CNTN4: variants seen among roughly 807,000 people sequenced by gnomAD.
CNTN4 encodes contactin-4.
In CNTN4, 77 loss-of-function variants were observed where a neutral mutation model predicts 122.5. That is an observed-to-expected ratio of 0.63 (90% CI 0.52 to 0.76). The LOEUF (loss-of-function observed/expected upper bound fraction) is 0.76, where lower values mean the gene tolerates loss of function less well. CNTN4 is among the 30% of genes least tolerant of loss of function. The probability of loss-of-function intolerance (pLI) is 0.00; values close to 1 mark genes in which losing one functional copy is unlikely to be tolerated. For synonymous variants in CNTN4, 512 were observed against 447.0 expected (o/e 1.15, Z -1.83); for missense variants, 1,256 against 1,259.1 (o/e 1.00, Z 0.04).
chr3:2,989,299 A>C (rs1225636646), intron 14 of CNTN4, among the ~76,000 whole-genome samples: 1 of 152,162 alleles, frequency 6.6e-6, no homozygotes, highest in African/African-American at 2.4e-5. Flanking sequence ...GAGTAGCAGG[A>C]GACCTGAACC....
chr3:2,157,047 C>G (rs2035752740), intron 2 of CNTN4, among the ~76,000 whole-genome samples: 1 of 152,060 alleles, frequency 6.6e-6, no homozygotes, highest in African/African-American at 2.4e-5. Context: ...GTTGGTTTAC[C>G]AAATAGATTT....
intron 7 of CNTN4, among the ~76,000 whole-genome samples, chr3:2,860,496 G>T (rs568891641): frequency 1.3e-5 from 2 of 152,164 alleles, no homozygotes; most frequent in South Asian, 4.1e-4. Context: ...TCCTAATAGG[G>T]GTCCTGACAG....
intron 13 of CNTN4, among the ~76,000 whole-genome samples, chr3:2,953,955 A>G (rs898069668): frequency 3.3e-5 from 5 of 152,222 alleles, no homozygotes; most frequent in Non-Finnish European, 7.3e-5. Flanking sequence ...TTATCTAGGA[A>G]ATAAGTTTTC....
intron 2 of CNTN4, among the ~76,000 whole-genome samples, chr3:2,338,043 C>A (rs750497979): frequency 3.3e-5 from 5 of 151,976 alleles, no homozygotes; most frequent in Non-Finnish European, 7.4e-5. Flanking sequence ...ATTTGTGATT[C>A]AGAATTAATG....
At chr3:2,219,559 C>G (rs925998433) in intron 2 of CNTN4, among the ~76,000 whole-genome samples, 7 of 152,114 alleles carry the variant, frequency 4.6e-5, no homozygotes, top group Non-Finnish European at 1.0e-4. Context: ...ACAACCTCTC[C>G]TAGAGTTTTG....
intron 2 of CNTN4, among the ~76,000 whole-genome samples, chr3:2,106,131 C>T (rs560244592): frequency 3.9e-5 from 6 of 152,244 alleles, no homozygotes; most frequent in African/African-American, 1.4e-4. Flanking sequence ...GCCCCTCTGG[C>T]TTTGCAGGCT....
rs781357835 is a variant in CNTN4, at chr3:2,902,920, G to C, written c.1122G>C (p.Val374=). ...AAGGAACACTCAACATAACAATAGT[G>C]AACCTCTCAGATGCTGGCATGTATC... is the stretch of plus-strand genomic sequence containing the variant. ...IEQGTLNITI[V]NLSDAGMYQC... Residue 374 remains valine, a synonymous_variant, in exon 12 of 25, where the codon GTG becomes GTC. Coordinates refer to ENST00000418658, the MANE Select transcript of CNTN4 (RefSeq NM_175607.3). 4 of 1,613,612 alleles carry C rather than the reference G, an allele frequency of 2.5e-6. No individual in the cohort carries two copies. The highest frequency in any genetic ancestry group is 3.4e-6 in the Non-Finnish European group (4 of 1,179,800).
At chr3:2,631,865 C>CAAAAAAAAAAAA (rs1157671569) in intron 4 of CNTN4, among the ~76,000 whole-genome samples, 40 of 70,126 alleles carry the variant, frequency 5.7e-4, no homozygotes, top group South Asian at 5.0e-3. Flanking sequence ...CGTATCTCTA[C>CAAAAAAAAAAAA]AAAAAAAAAA....
chr3:2,885,052 A>C (rs1397865129), intron 9 of CNTN4, among the ~76,000 whole-genome samples: 1 of 152,238 alleles, frequency 6.6e-6, no homozygotes, highest in Non-Finnish European at 1.5e-5. Flanking sequence ...GTGTCTGTCT[A>C]ACGAACTTAA....
At chr3:2,984,468 C>T (rs1694365206) in intron 13 of CNTN4, among the ~76,000 whole-genome samples, 1 of 152,146 alleles carries the variant, frequency 6.6e-6, no homozygotes. Context: ...AGGGATGGTG[C>T]CCATTATCCC....
intron 4 of CNTN4, among the ~76,000 whole-genome samples, chr3:2,694,556 C>A (rs769111432): frequency 6.6e-6 from 1 of 152,202 alleles, no homozygotes; most frequent in Admixed American, 6.5e-5. Flanking sequence ...ATAACAAAGC[C>A]CCGTCTCTAC....
chr3:2,876,061 T>C (rs368740976), intron 8 of CNTN4, among the ~76,000 whole-genome samples: 1 of 152,194 alleles, frequency 6.6e-6, no homozygotes, highest in East Asian at 1.9e-4. Context: ...GCAGGTTTGA[T>C]TAAAGTCAAA....
At chr3:2,813,516 A>T (rs944548305) in intron 6 of CNTN4, among the ~76,000 whole-genome samples, 11 of 152,038 alleles carry the variant, frequency 7.2e-5, no homozygotes, top group Non-Finnish European at 1.6e-4. Flanking sequence ...GATTCTTAAC[A>T]AACTATGATG....
chr3:2,591,079 A>T (rs375384517), intron 4 of CNTN4, among the ~76,000 whole-genome samples: 4 of 152,152 alleles, frequency 2.6e-5, no homozygotes, highest in Non-Finnish European at 5.9e-5. Context: ...AATATTTCTT[A>T]CAATTTATAA....
chr3:2,799,555 G>T lies in CNTN4; in HGVS notation c.359-19931G>T, dbSNP rs2728081. 5.9e-3 allele frequency among the ~76,000 whole-genome samples: 898 copies of T among 151,956 alleles called. 10 individuals carry two copies. Among genetic ancestry groups the T allele is most frequent in the African/African-American group, 0.019 (804 of 41,402 alleles). On this transcript the variant is annotated intron_variant, in intron 6 of 24. Transcript: ENST00000418658. Reference sequence around the variant, plus strand: ...TCGGGTCACTGCAACCTCTGCCTCCGGGGTTCAAGCGATTCTCCTGCCTCA... The same window carrying T: ...TCGGGTCACTGCAACCTCTGCCTCCTGGGTTCAAGCGATTCTCCTGCCTCA...
rs189648375 is a variant in CNTN4, at chr3:2,235,345, A to G, written c.-144-103833A>G. Among the ~76,000 whole-genome samples the G allele has an allele frequency of 1.8e-3, 275 of 152,342 alleles. 1 individual carries two copies. Among genetic ancestry groups the G allele is most frequent in the African/African-American group, 6.5e-3 (270 of 41,584 alleles). On this transcript the variant is annotated intron_variant, in intron 2 of 24. Transcript: ENST00000418658. ...TATCCAAGTTAACTTTGATACAGTT[A>G]CAAACACAGAACCTCAAATATCTAT...
intron 7 of CNTN4, among the ~76,000 whole-genome samples, chr3:2,834,898 C>CTTTTTTTTTTTT (rs71058653): frequency 1.2e-4 from 7 of 60,458 alleles, no homozygotes; most frequent in African/African-American, 3.0e-4. Context: ...TAAAGGCAAC[C>CTTTTTTTTTTTT]TTTTTTTTTT....
chr3:2,900,860 A>G (rs1461859761), intron 11 of CNTN4, 39 bp downstream of exon 11: 3 of 1,610,954 alleles, frequency 1.9e-6, no homozygotes, highest in Admixed American at 1.7e-5. Flanking sequence ...AGTCTTGACT[A>G]TAACGTTTAA....
At chr3:2,287,763 GAAGAAGAAGAAGAAGGAGAAGAA>G (rs1559416226) in intron 2 of CNTN4, among the ~76,000 whole-genome samples, 1 of 145,224 alleles carries the variant, frequency 6.9e-6, no homozygotes, top group African/African-American at 2.7e-5. Flanking sequence ...AGAAGAAGAA[GAAGAAGAAGAAGAAGGAGAAGAA>G]GAGGAGGAAG....
Sources: allele counts gnomAD v4.1 joint callset (sites outside exome capture counted in the v4.1 genomes callset), GRCh38; gene constraint gnomAD v4.1.1; transcripts MANE v1.5; gene names NCBI Gene and HGNC (gene_info 2026-07-23, HGNC 2026-07-21).